SGO2: variants seen among roughly 807,000 people sequenced by gnomAD.
SGO2 encodes shugoshin 2.
SGO2 carries 68 observed loss-of-function variants against 99.5 expected under a neutral mutation model. That is an observed-to-expected ratio of 0.68 (90% CI 0.56 to 0.84). SGO2 has a LOEUF of 0.84. Ranked by LOEUF, SGO2 falls within the 40% of genes least tolerant of loss-of-function variation. The pLI is 0.00. For missense variants in SGO2, 1,350 were observed against 1,436.7 expected (o/e 0.94, Z 0.97); for synonymous variants, 457 against 487.1 (o/e 0.94, Z 0.81).
intron 4 of SGO2, among the ~76,000 whole-genome samples, chr2:200,539,975 CT>C (rs914667625): frequency 1.3e-5 from 2 of 150,974 alleles, no homozygotes; most frequent in Non-Finnish European, 3.0e-5. Context: ...TCTTTCCCCC[CT>C]TTTTTTCTCG....
At chr2:200,544,697 A>ATC (rs1341191208) in intron 5 of SGO2, among the ~76,000 whole-genome samples, 6 of 111,384 alleles carry the variant, frequency 5.4e-5, no homozygotes, top group Non-Finnish European at 2.0e-5. Context: ...TGGGAGATCT[A>ATC]TCTATCTATC....
At chr2:200,530,954 G>T (rs2031346055) in intron 1 of SGO2, among the ~76,000 whole-genome samples, 1 of 152,230 alleles carries the variant, frequency 6.6e-6, no homozygotes, top group Non-Finnish European at 1.5e-5. Flanking sequence ...AAGATCTGCA[G>T]AGAATTGGAG....
chr2:200,559,675 T>C (rs1438899226), intron 5 of SGO2, among the ~76,000 whole-genome samples: 2 of 152,116 alleles, frequency 1.3e-5, no homozygotes, highest in Non-Finnish European at 2.9e-5. Context: ...ATCCTCCTGC[T>C]TTAGCCTCCT....
intron 8 of SGO2, chr2:200,580,506 T>G (rs1315967080): frequency 4.6e-6 from 2 of 436,300 alleles, no homozygotes; most frequent in Admixed American, 5.3e-5. Context: ...CCATTAAAAT[T>G]TATTGTTTTT....
At chr2:200,554,953 T>A (rs913715976) in intron 5 of SGO2, among the ~76,000 whole-genome samples, 1 of 152,214 alleles carries the variant, frequency 6.6e-6, no homozygotes, top group Non-Finnish European at 1.5e-5. Flanking sequence ...CCTGTTATGC[T>A]TTTATTCCAA....
chr2:200,526,489 C>A lies in SGO2; in HGVS notation c.-3+237C>A, dbSNP rs2031094855. On this transcript the variant is annotated intron_variant, in intron 1 of 8. Transcript: ENST00000357799. This position sits in a 1 kb window ranked among gnomAD's most constrained non-coding sequence, Gnocchi z 4.8. ...TCTGAGATTTGAGCGTCCGGCAGGG[C>A]GAGCGGGGAGAGCCACCAGTTAGGT... 6.6e-6 allele frequency among the ~76,000 whole-genome samples: 1 copy of A among 152,126 alleles called. No individual in the cohort carries two copies. The highest frequency in any genetic ancestry group is 2.4e-5 in the African/African-American group (1 of 41,424).
intron 1 of SGO2, among the ~76,000 whole-genome samples, chr2:200,532,623 CTG>C (rs1201381611): frequency 6.6e-6 from 1 of 152,114 alleles, no homozygotes; most frequent in Non-Finnish European, 1.5e-5. Context: ...CCTTTAAACT[CTG>C]TGTATATCTC....
chr2:200,551,118 C>G (rs2032468415), intron 5 of SGO2, among the ~76,000 whole-genome samples: 1 of 151,946 alleles, frequency 6.6e-6, no homozygotes, highest in South Asian at 2.1e-4. Context: ...TCTAGCAATT[C>G]CATTGCTGAG....
chr2:200,539,539 G>A (rs775360792), intron 4 of SGO2, among the ~76,000 whole-genome samples: 24 of 151,342 alleles, frequency 1.6e-4, no homozygotes, highest in Non-Finnish European at 3.1e-4. Flanking sequence ...TTGCCTTTTT[G>A]TGGTTCATTG....
intron 5 of SGO2, among the ~76,000 whole-genome samples, chr2:200,561,128 T>C (rs1008352020): frequency 2.0e-5 from 3 of 152,194 alleles, no homozygotes; most frequent in African/African-American, 7.2e-5. Flanking sequence ...ATCTGCCATG[T>C]TGGTGTGCTG....
chr2:200,558,788 A>G (rs1466333895), intron 5 of SGO2, among the ~76,000 whole-genome samples: 1 of 149,448 alleles, frequency 6.7e-6, no homozygotes, highest in Non-Finnish European at 1.5e-5. Context: ...CTTGTGGAAA[A>G]GGTTTTGGTA....
At chr2:200,583,330 T>G in intron 8 of SGO2, 119 bp from the exon 9 acceptor site, 1 of 744,946 alleles carries the variant, frequency 1.3e-6, no homozygotes, top group Non-Finnish European at 2.1e-6. Context: ...TTAACAAAGC[T>G]TATGGTTTAA....
intron 4 of SGO2, among the ~76,000 whole-genome samples, chr2:200,538,184 A>G (rs912240110): frequency 5.9e-5 from 9 of 152,102 alleles, no homozygotes; most frequent in Non-Finnish European, 7.4e-5. Flanking sequence ...GTGGAGTCTT[A>G]TCTATTGCTT....
chr2:200,544,692 GATCTATCT>G (rs71022322), intron 5 of SGO2, among the ~76,000 whole-genome samples: 108 of 145,752 alleles, frequency 7.4e-4, no homozygotes, highest in East Asian at 4.3e-3. Context: ...TTACTTGGGA[GATCTATCT>G]ATCTATCTAT....
chr2:200,578,596 G>A lies in SGO2; in HGVS notation c.3782+3135G>A, dbSNP rs2033741627. On this transcript the variant is annotated intron_variant, in intron 8 of 8. Transcript: ENST00000357799. Reference sequence around the variant, plus strand: ...TTCATCTTCTTCTTGTTGACTAGAGGCTGTCCTTAGCTTCTTGCCACACGG... The same window carrying A: ...TTCATCTTCTTCTTGTTGACTAGAGACTGTCCTTAGCTTCTTGCCACACGG... Among the ~76,000 whole-genome samples, 5 of 152,158 alleles carry A rather than the reference G, an allele frequency of 3.3e-5. No homozygotes were observed. In the South Asian group the frequency reaches 1.0e-3, roughly 32 times the overall value.
Position 200,572,209 on chromosome 2 carries a change from A to G in SGO2, c.1863A>G (p.Glu621=). 1 of 1,612,852 alleles carries G rather than the reference A, an allele frequency of 6.2e-7. No homozygotes were observed. Reference sequence around the variant, plus strand: ...GAAAGAAAGTAAACCGGAAGACAGAAATAATTTCTGGAATGAACCACATGT... The same window carrying G: ...GAAAGAAAGTAAACCGGAAGACAGAGATAATTTCTGGAATGAACCACATGT... The part of the protein sequence containing the change: ...KLRKKVNRKT[E]IISGMNHMYE... Residue 621 remains glutamate (E), a synonymous_variant, in exon 7 of 9, where the codon GAA becomes GAG. Transcript: ENST00000357799.
At chr2:200,562,115 T>C (rs1291754591) in intron 5 of SGO2, among the ~76,000 whole-genome samples, 1 of 152,228 alleles carries the variant, frequency 6.6e-6, no homozygotes, top group African/African-American at 2.4e-5. Flanking sequence ...GGTGTTTTAG[T>C]CATGAAGTCC....
At chr2:200,545,102 G>A (rs2032151171) in intron 5 of SGO2, among the ~76,000 whole-genome samples, 1 of 152,150 alleles carries the variant, frequency 6.6e-6, no homozygotes, top group South Asian at 2.1e-4. Flanking sequence ...GACCTCTTGG[G>A]CTCAAGCGAT....
Position 200,575,393 on chromosome 2 carries a change from A to G in SGO2, c.3714A>G (p.Leu1238=), listed in dbSNP as rs371969286. Residue 1238 remains leucine, a synonymous_variant, in exon 8 of 9, where the codon CTA becomes CTG. Transcript: ENST00000357799. ...TAESENKSED[L]SSERTSRRRR... ...AATCTGAAAATAAGTCAGAAGATCT[A>G]TCTTCAGAACGGACAAGCAGAAGAA... 37 of 1,607,140 alleles carry G rather than the reference A, an allele frequency of 2.3e-5. No individual in the cohort carries two copies. The highest frequency in any genetic ancestry group is 6.7e-5 in the Admixed American group (4 of 59,900).
Sources: allele counts gnomAD v4.1 joint callset (sites outside exome capture counted in the v4.1 genomes callset), GRCh38; gene constraint gnomAD v4.1.1; non-coding constraint Gnocchi (gnomAD v3.1); transcripts MANE v1.5; gene names NCBI Gene and HGNC (gene_info 2026-07-23, HGNC 2026-07-21).